NCOA2: variants seen among roughly 807,000 people sequenced by gnomAD.
The protein encoded by NCOA2 is nuclear receptor coactivator 2.
NCOA2 carries 21 observed loss-of-function variants against 145.1 expected under a neutral mutation model. The ratio of observed to expected loss-of-function variants is 0.14; its 90% CI spans 0.10 to 0.21. The LOEUF (loss-of-function observed/expected upper bound fraction) is 0.21, where lower values mean the gene tolerates loss of function less well. NCOA2 is among the 10% of genes least tolerant of loss of function. The pLI, the probability that NCOA2 is intolerant of heterozygous loss-of-function variation, is 1.00. For missense variants in NCOA2, 1,472 were observed against 1,837.6 expected, an observed-to-expected ratio of 0.80 and a Z score of 3.64; for synonymous variants, 619 against 637.5, an observed-to-expected ratio of 0.97 and a Z score of 0.44.
At chr8:70,199,113 G>A (rs1554590821) in intron 4 of NCOA2, among the ~76,000 whole-genome samples, 1 of 151,886 alleles carries the variant, frequency 6.6e-6, no homozygotes, top group Non-Finnish European at 1.5e-5. Context: ...TTTAGATGAG[G>A]AAAAAAAGCC....
intron 1 of NCOA2, among the ~76,000 whole-genome samples, chr8:70,324,921 T>C (rs1398307448): frequency 6.6e-6 from 1 of 152,208 alleles, no homozygotes; most frequent in Non-Finnish European, 1.5e-5. Flanking sequence ...AAAAAAAGCA[T>C]AAAAGAGAGG....
chr8:70,243,731 T>C (rs1204689952), intron 2 of NCOA2, among the ~76,000 whole-genome samples: 2 of 148,982 alleles, frequency 1.3e-5, no homozygotes, highest in Non-Finnish European at 3.0e-5. Flanking sequence ...TGTAACCCTG[T>C]CTCACAGACT....
At chr8:70,301,676 A>AG (rs1362691046) in intron 1 of NCOA2, among the ~76,000 whole-genome samples, 8 of 150,834 alleles carry the variant, frequency 5.3e-5, no homozygotes, top group African/African-American at 1.9e-4. Flanking sequence ...AAAAAAAAAA[A>AG]AAAAGAAAGA....
intron 2 of NCOA2, among the ~76,000 whole-genome samples, chr8:70,261,286 T>A (rs949257149): frequency 6.6e-6 from 1 of 152,072 alleles, no homozygotes; most frequent in African/African-American, 2.4e-5. Context: ...AAATGATGAG[T>A]TCATGTCCTT....
rs901283828 is a variant in NCOA2 at position 70,111,260 on chromosome 8, G to A, written c.*2372C>T. The stretch of plus-strand genomic sequence containing the variant: ...CAGATGGATAAAAAAGAAGAGATAG[G>A]TAGATAGTTTTGGACGGTGTTGTAG... On this transcript the variant is annotated 3_prime_UTR_variant, in exon 23 of 23. Coordinates refer to ENST00000452400, the MANE Select transcript of NCOA2 (RefSeq NM_006540.4). 4.4e-6 allele frequency: 1 copy of A among 226,534 alleles called. No homozygotes were observed. Among genetic ancestry groups the A allele is most frequent in the African/African-American group, 2.2e-5 (1 of 45,018 alleles). The allele number at this position is 226,534 out of a possible 1,614,324, so 14.0% of individuals were successfully genotyped here. A position where few individuals can be genotyped will look rare whatever the true frequency, so the allele number is the denominator to read the frequency against.
intron 1 of NCOA2, among the ~76,000 whole-genome samples, chr8:70,348,750 C>G (rs1870649): frequency 0.47 from 70,995 of 151,804 alleles, 20,625 homozygotes; most frequent in African/African-American, 0.81. Context: ...GAAATTTGGA[C>G]AAAGAACTGG....
intron 2 of NCOA2, among the ~76,000 whole-genome samples, chr8:70,279,086 C>T (rs139919703): frequency 2.0e-5 from 3 of 152,110 alleles, no homozygotes; most frequent in African/African-American, 4.8e-5. Context: ...TGGATGATCT[C>T]GCCTTACCAA....
At chr8:70,235,120 TAATAG>T in intron 2 of NCOA2, among the ~76,000 whole-genome samples, 1 of 152,312 alleles carries the variant, frequency 6.6e-6, no homozygotes, top group Non-Finnish European at 1.5e-5. Flanking sequence ...CACACACATA[TAATAG>T]AATATTATTC....
chr8:70,121,985 T>A (rs1033569373), intron 21 of NCOA2, among the ~76,000 whole-genome samples: 1 of 152,238 alleles, frequency 6.6e-6, no homozygotes, highest in African/African-American at 2.4e-5. Flanking sequence ...AAATTAACCA[T>A]GGGATTCAAA....
At chr8:70,345,992 C>T (rs1808597540) in intron 1 of NCOA2, among the ~76,000 whole-genome samples, 1 of 152,116 alleles carries the variant, frequency 6.6e-6, no homozygotes, top group Non-Finnish European at 1.5e-5. Flanking sequence ...CCTTTCCAGG[C>T]CTTGTCAGGG....
At chr8:70,346,035 A>C (rs1428297384) in intron 1 of NCOA2, among the ~76,000 whole-genome samples, 1 of 152,236 alleles carries the variant, frequency 6.6e-6, no homozygotes, top group Non-Finnish European at 1.5e-5. Context: ...TAAAATCTAT[A>C]GTATTGTATA....
At chr8:70,222,942 C>T (rs945724168) in intron 2 of NCOA2, among the ~76,000 whole-genome samples, 1 of 152,100 alleles carries the variant, frequency 6.6e-6, no homozygotes, top group Non-Finnish European at 1.5e-5. Context: ...TTCTCATAGG[C>T]CAAGTTCCTT....
chr8:70,399,293 G>A (rs1448092801), intron 1 of NCOA2, among the ~76,000 whole-genome samples: 1 of 152,072 alleles, frequency 6.6e-6, no homozygotes, highest in Non-Finnish European at 1.5e-5. Flanking sequence ...CAAACACCTA[G>A]AACACAAACA....
chr8:70,359,176 C>T (rs904333219), intron 1 of NCOA2, among the ~76,000 whole-genome samples: 1 of 152,154 alleles, frequency 6.6e-6, no homozygotes, highest in Non-Finnish European at 1.5e-5. Flanking sequence ...TGTGGCATTT[C>T]CTCAAGAAGT....
chr8:70,296,817 CA>C lies in NCOA2; in HGVS notation c.-76-18del, dbSNP rs1563735265. Reference sequence around the variant, plus strand: ...AAGAGAAATCTGTAATATAAACAAACAAATAAACGTGAATAAAATCTGCAGA... The same window carrying C: ...AAGAGAAATCTGTAATATAAACAAACAATAAACGTGAATAAAATCTGCAGA... On this transcript the variant is annotated intron_variant, in intron 1 of 22. Transcript: ENST00000452400. 1.3e-5 allele frequency: 2 copies of C among 152,090 alleles called. No individual in the cohort carries two copies. Among genetic ancestry groups the C allele is most frequent in the African/African-American group, 4.8e-5 (2 of 41,432 alleles). 9.4% of individuals were successfully genotyped at this position (152,090 alleles called of 1,614,324 possible).
At chr8:70,378,555 G>A (rs936908977) in intron 1 of NCOA2, among the ~76,000 whole-genome samples, 5 of 151,772 alleles carry the variant, frequency 3.3e-5, no homozygotes, top group African/African-American at 9.7e-5. Flanking sequence ...TTTTCGAACG[G>A]GTCTAGCAAC....
intron 1 of NCOA2, among the ~76,000 whole-genome samples, chr8:70,351,622 C>G (rs1460079934): frequency 7.1e-6 from 1 of 141,180 alleles, no homozygotes; most frequent in Non-Finnish European, 1.5e-5. Context: ...AAGTCTTGCT[C>G]TGTCACCCAG....
chr8:70,314,323 C>T (rs1805404128), intron 1 of NCOA2, among the ~76,000 whole-genome samples: 1 of 151,670 alleles, frequency 6.6e-6, no homozygotes, highest in African/African-American at 2.4e-5. Context: ...CCTATATTAT[C>T]CTATTTCTAT....
the NCOA2 span, among the ~76,000 whole-genome samples, chr8:70,413,059 C>A: frequency 1.4e-5 from 2 of 145,690 alleles, no homozygotes; most frequent in Non-Finnish European, 3.0e-5. Context: ...GATGGTGCCA[C>A]TGTGCTCCAG....
Sources: gnomAD v4.1 joint callset for allele counts (sites outside exome capture counted in the v4.1 genomes callset) on GRCh38, gnomAD v4.1.1 for gene constraint, MANE v1.5 for transcripts, NCBI Gene and HGNC (gene_info 2026-07-23, HGNC 2026-07-21) for gene names.